Variants in NSD2 observed in about 807,000 individuals in gnomAD.
NSD2 encodes the protein nuclear receptor binding SET domain protein 2.
NSD2 carries 12 observed loss-of-function variants against 139.0 expected under a neutral mutation model. That is an observed-to-expected ratio of 0.09 (90% CI 0.06 to 0.14). The LOEUF (loss-of-function observed/expected upper bound fraction) is 0.14, where lower values mean the gene tolerates loss of function less well. NSD2 is among the 10% of genes least tolerant of loss of function. NSD2 has a pLI of 1.00. For synonymous variants in NSD2, 669 were observed against 648.7 expected, an observed-to-expected ratio of 1.03 and a Z score of -0.48; for missense variants, 1,155 against 1,745.0, an observed-to-expected ratio of 0.66 and a Z score of 6.02.
chr4:1,898,983 G>A (rs1375717770), intron 1 of NSD2, among the ~76,000 whole-genome samples: 1 of 152,182 alleles, frequency 6.6e-6, no homozygotes, highest in Non-Finnish European at 1.5e-5. Flanking sequence ...CCTTCAGGAG[G>A]TGGTTTTTTA....
chr4:1,893,362 C>T (rs544109642), intron 1 of NSD2, among the ~76,000 whole-genome samples: 11 of 152,200 alleles, frequency 7.2e-5, no homozygotes, highest in African/African-American at 2.4e-4. Context: ...CTCAGCTACT[C>T]GGGAGGCTAA....
chr4:1,896,332 C>T (rs975266224), intron 1 of NSD2, among the ~76,000 whole-genome samples: 1 of 152,268 alleles, frequency 6.6e-6, no homozygotes, highest in South Asian at 2.1e-4. Flanking sequence ...CTCCAGACTG[C>T]TGTTCCCTTT....
rs1337498472 is a variant in NSD2, at chr4:1,900,918, T to C, written c.264T>C (p.Asn88=). ...KLKDLTSRVF[N]GEPGAHDAKL... The stretch of plus-strand genomic sequence containing the variant: ...AAGATCTTACTTCCCGGGTGTTTAA[T>C]GGAGAACCCGGCGCACACGATGCCA... The change falls in exon 2 of 22, where the codon AAT becomes AAC. Residue 88 remains asparagine, a synonymous_variant. Transcript: ENST00000508803. The C allele has an allele frequency of 6.2e-7, 1 of 1,614,000 alleles. No individual in the cohort carries two copies. The highest frequency in any genetic ancestry group is 8.5e-7 in the Non-Finnish European group (1 of 1,179,960).
chr4:1,871,790 G>T (rs1036765363), intron 1 of NSD2, among the ~76,000 whole-genome samples: 1 of 149,538 alleles, frequency 6.7e-6, no homozygotes, highest in African/African-American at 2.4e-5. Flanking sequence ...AGGGCCGGCG[G>T]GAGGACCGGG....
chr4:1,900,586 A>C, intron 1 of NSD2, 40 bp from the exon 2 acceptor site: 1 of 1,386,242 alleles, frequency 7.2e-7, no homozygotes, highest in Non-Finnish European at 9.7e-7. Flanking sequence ...TTTAAATGTA[A>C]TTGCTTTTTC....
intron 18 of NSD2, among the ~76,000 whole-genome samples, chr4:1,970,862 A>C (rs1399537603): frequency 6.6e-6 from 1 of 152,226 alleles, no homozygotes; most frequent in Non-Finnish European, 1.5e-5. Context: ...AACAGCAGGA[A>C]ATCAAGCAGC....
intron 1 of NSD2, among the ~76,000 whole-genome samples, chr4:1,888,304 C>T (rs1465188508): frequency 2.0e-5 from 3 of 146,438 alleles, no homozygotes; most frequent in African/African-American, 7.6e-5. Context: ...CCTAGCTACT[C>T]AGGAGGCTGA....
intron 7 of NSD2, among the ~76,000 whole-genome samples, chr4:1,935,480 C>T (rs768026160): frequency 9.9e-5 from 15 of 152,156 alleles, no homozygotes; most frequent in Non-Finnish European, 1.8e-4. Flanking sequence ...TCACAGAAAC[C>T]GATGGTGTGT....
intron 5 of NSD2, among the ~76,000 whole-genome samples, chr4:1,922,097 A>C (rs1720218572): frequency 6.6e-6 from 1 of 152,186 alleles, no homozygotes; most frequent in Admixed American, 6.5e-5. Flanking sequence ...CCGTGAGCTG[A>C]GATCACACTA....
At chr4:1,888,634 G>A (rs957408339) in intron 1 of NSD2, among the ~76,000 whole-genome samples, 4 of 151,480 alleles carry the variant, frequency 2.6e-5, no homozygotes, top group African/African-American at 9.7e-5. Flanking sequence ...TGGCAATCTC[G>A]GCTTACTGCG....
At chr4:1,941,104 G>T in intron 9 of NSD2, 1 of 1,055,498 alleles carries the variant, frequency 9.5e-7, no homozygotes, top group Non-Finnish European at 1.1e-6. Context: ...ACTGAAATAT[G>T]AAAAGGCAAA....
At chr4:1,934,178 T>G (rs1050709056) in intron 6 of NSD2, among the ~76,000 whole-genome samples, 4 of 150,504 alleles carry the variant, frequency 2.7e-5, no homozygotes, top group Non-Finnish European at 5.9e-5. Flanking sequence ...CTCCACCTCC[T>G]GGGTTCAAGC....
At chr4:1,940,200 T>G (rs1722946724) in intron 9 of NSD2, 7 of 1,080,996 alleles carry the variant, frequency 6.5e-6, no homozygotes, top group Non-Finnish European at 7.9e-6. Context: ...ACACCACACC[T>G]GATTCCTGTT....
intron 9 of NSD2, chr4:1,940,455 A>T (rs1722969993): frequency 1.9e-6 from 2 of 1,063,378 alleles, no homozygotes; most frequent in South Asian, 9.1e-5. Context: ...TCAAACCTAA[A>T]TTTTTTGCCG....
In NSD2 at chr4:1,960,641, G is replaced by A. The variant is rs181418723; in HGVS notation, c.3256-394G>A. Among the ~76,000 whole-genome samples the A allele has an allele frequency of 2.4e-3, 366 of 152,250 alleles. 2 individuals carry two copies. Among genetic ancestry groups the A allele is most frequent in the African/African-American group, 8.5e-3 (351 of 41,536 alleles). On this transcript the variant is annotated intron_variant, in intron 17 of 21. Transcript: ENST00000508803. ...CACCTCCCCAGCACCCTTGTTCCTC[G>A]CCTGCCTGACTGCTGATTCACCCAG...
Position 1,880,758 on chromosome 4 carries a change from A to G in NSD2, c.-30+9216A>G, listed in dbSNP as rs76860793. ...GGAAACTATAAGACCAGTAAGCCAT[A>G]CTCATCAACAGGGAAAAATGAAGGG... On this transcript the variant is annotated intron_variant, in intron 1 of 21. Transcript: ENST00000508803. Among the ~76,000 whole-genome samples the G allele has an allele frequency of 4.7e-3, 720 of 152,258 alleles. 4 individuals carry two copies. The highest frequency in any genetic ancestry group is 0.016 in the African/African-American group (674 of 41,544).
At chr4:1,946,773 A>T in intron 9 of NSD2, 1 of 1,050,460 alleles carries the variant, frequency 9.5e-7, no homozygotes, top group Non-Finnish European at 1.1e-6. Flanking sequence ...TGATTCCTAT[A>T]CTGGATGAGC....
In NSD2 at chr4:1,961,230, G is replaced by A. The variant is rs560119146; in HGVS notation, c.3372+79G>A. The A allele has an allele frequency of 2.6e-5, 31 of 1,191,806 alleles. 1 individual carries two copies. Among genetic ancestry groups the A allele is most frequent in the Non-Finnish European group, 3.6e-5 (30 of 844,414 alleles). 73.8% of individuals were successfully genotyped at this position (1,191,806 alleles called of 1,614,324 possible). A position where few individuals can be genotyped will look rare whatever the true frequency, so the allele number is the denominator to read the frequency against. ...ATGGTCACCTGTAGAACTGGACTTT[G>A]CCCTGTGGCAGCGCCAGCATTTGTC... On this transcript the variant is annotated intron_variant, in intron 18 of 21. Coordinates refer to ENST00000508803, the MANE Select transcript of NSD2 (RefSeq NM_001042424.3).
At chr4:1,953,735 G>C (rs1300371319) in intron 12 of NSD2, among the ~76,000 whole-genome samples, 1 of 151,810 alleles carries the variant, frequency 6.6e-6, no homozygotes, top group African/African-American at 2.4e-5. Context: ...CCCTAAAGAT[G>C]CTTAACTATA....
Sources: gnomAD v4.1 joint callset for allele counts (sites outside exome capture counted in the v4.1 genomes callset) on GRCh38, gnomAD v4.1.1 for gene constraint, MANE v1.5 for transcripts, NCBI Gene and HGNC (gene_info 2026-07-23, HGNC 2026-07-21) for gene names.